Variants in MACROD2 observed in about 807,000 individuals in gnomAD.
MACROD2 encodes the protein mono-ADP ribosylhydrolase 2.
A neutral mutation model predicts 70.4 loss-of-function variants in MACROD2; 36 were observed. The observed-to-expected ratio is 0.51, with a 90% CI of 0.39 to 0.68. The LOEUF is 0.68. Among genes scored for constraint, MACROD2 ranks in the 30% least tolerant of loss-of-function variants. The pLI is 0.00. For missense variants in MACROD2, 496 were observed against 538.4 expected (o/e 0.92, Z 0.78); for synonymous variants, 172 against 178.8 (o/e 0.96, Z 0.30).
intron 4 of MACROD2, among the ~76,000 whole-genome samples, chr20:14,632,795 A>T (rs1178666607): frequency 6.6e-6 from 1 of 152,238 alleles, no homozygotes; most frequent in Non-Finnish European, 1.5e-5. Flanking sequence ...TCTTATGATA[A>T]TATTTTAATG....
chr20:14,313,796 A>G (rs902036351), intron 3 of MACROD2, among the ~76,000 whole-genome samples: 4 of 152,232 alleles, frequency 2.6e-5, no homozygotes, highest in African/African-American at 9.6e-5. Context: ...GTAAACATAC[A>G]TGGACAACCA....
intron 5 of MACROD2, among the ~76,000 whole-genome samples, chr20:15,197,203 T>G (rs183724180): frequency 1.1e-4 from 16 of 152,288 alleles, no homozygotes; most frequent in African/African-American, 3.6e-4. Flanking sequence ...CATGAAGGGC[T>G]TTTTGCTCAA....
chr20:14,169,177 C>CA (rs1244402230), intron 3 of MACROD2, among the ~76,000 whole-genome samples: 1 of 152,104 alleles, frequency 6.6e-6, no homozygotes, highest in Admixed American at 6.5e-5. Context: ...AAAACCTCAG[C>CA]AAAATTGGCA....
intron 5 of MACROD2, among the ~76,000 whole-genome samples, chr20:14,708,207 A>G (rs1020635495): frequency 1.3e-5 from 2 of 152,216 alleles, no homozygotes; most frequent in African/African-American, 4.8e-5. Flanking sequence ...GTTCATTACG[A>G]CATTTAATCT....
At chr20:14,472,711 A>G (rs1213523493) in intron 3 of MACROD2, among the ~76,000 whole-genome samples, 1 of 152,208 alleles carries the variant, frequency 6.6e-6, no homozygotes, top group Non-Finnish European at 1.5e-5. Flanking sequence ...TACAGAGGGA[A>G]TGACATTTGA....
chr20:15,849,835 T>C (rs1299852410), intron 8 of MACROD2, among the ~76,000 whole-genome samples: 1 of 152,092 alleles, frequency 6.6e-6, no homozygotes. Context: ...GCGCTGCATG[T>C]GTGCTGGATA....
intron 8 of MACROD2, among the ~76,000 whole-genome samples, chr20:15,606,475 ACTT>A (rs2048894848): frequency 6.6e-6 from 1 of 151,938 alleles, no homozygotes; most frequent in Non-Finnish European, 1.5e-5. Context: ...TGGGCTTGTT[ACTT>A]CTTTAACCCT....
intron 5 of MACROD2, among the ~76,000 whole-genome samples, chr20:15,053,938 A>C (rs1432218050): frequency 6.6e-6 from 1 of 152,214 alleles, no homozygotes; most frequent in Non-Finnish European, 1.5e-5. Context: ...CTTATGGATG[A>C]CTTTGAGAAG....
intron 5 of MACROD2, among the ~76,000 whole-genome samples, chr20:14,833,994 T>A (rs879331638): frequency 6.6e-6 from 1 of 152,074 alleles, no homozygotes; most frequent in African/African-American, 2.4e-5. Flanking sequence ...TTTTAAAAAA[T>A]TAAATTTTCT....
At chr20:16,041,734 C>G (rs2067310905) in intron 16 of MACROD2, among the ~76,000 whole-genome samples, 1 of 151,944 alleles carries the variant, frequency 6.6e-6, no homozygotes, top group Non-Finnish European at 1.5e-5. Context: ...CATCCATTGC[C>G]TTGGTTAAAA....
At chr20:15,196,906 G>A in intron 5 of MACROD2, 14 of 985,360 alleles carry the variant, frequency 1.4e-5, no homozygotes, top group Non-Finnish European at 1.7e-5. Context: ...GGATGCACTT[G>A]CCACATTTTG....
intron 2 of MACROD2, among the ~76,000 whole-genome samples, chr20:14,021,975 A>G (rs2258091): frequency 0.99 from 150,510 of 152,318 alleles, 74,360 homozygotes; most frequent in East Asian, 1. Context: ...TGGAAGTACA[A>G]TGGTACACCT....
chr20:14,197,233 C>G (rs1169710774), intron 3 of MACROD2, among the ~76,000 whole-genome samples: 2 of 152,128 alleles, frequency 1.3e-5, no homozygotes, highest in African/African-American at 2.4e-5. Flanking sequence ...TCTTTGCATT[C>G]TTAAGCATAA....
intron 3 of MACROD2, among the ~76,000 whole-genome samples, chr20:14,245,962 T>C (rs759655932): frequency 1.6e-4 from 24 of 152,320 alleles, no homozygotes; most frequent in Non-Finnish European, 2.6e-4. Context: ...ATTGCAAGTA[T>C]TGTTTTATCT....
chr20:16,005,182 T>G (rs2066771503), intron 15 of MACROD2, among the ~76,000 whole-genome samples: 1 of 151,880 alleles, frequency 6.6e-6, no homozygotes, highest in East Asian at 1.9e-4. Context: ...AGAGCAAAAA[T>G]AGGATCGGGG....
At chr20:15,616,794 T>C (rs1198922507) in intron 8 of MACROD2, among the ~76,000 whole-genome samples, 1 of 152,256 alleles carries the variant, frequency 6.6e-6, no homozygotes, top group African/African-American at 2.4e-5. Context: ...GCTTTGTCAC[T>C]GAAAATCCTG....
chr20:15,411,091 AG>A (rs1033364649), intron 6 of MACROD2, among the ~76,000 whole-genome samples: 2 of 150,662 alleles, frequency 1.3e-5, no homozygotes, highest in Non-Finnish European at 3.0e-5. Flanking sequence ...TCATCTTTGG[AG>A]GGTGAGTACC....
At chr20:14,771,316 C>G (rs1231336110) in intron 5 of MACROD2, among the ~76,000 whole-genome samples, 2 of 151,836 alleles carry the variant, frequency 1.3e-5, no homozygotes, top group African/African-American at 4.8e-5. Flanking sequence ...TTTCTATTGG[C>G]TTTGCTTCTA....
intron 7 of MACROD2, among the ~76,000 whole-genome samples, chr20:15,449,334 G>A (rs1263356959): frequency 1.3e-5 from 2 of 152,078 alleles, no homozygotes; most frequent in Non-Finnish European, 2.9e-5. Flanking sequence ...GCATCTGAAC[G>A]CTTATGTAGC....
Sources: allele counts gnomAD v4.1 joint callset (sites outside exome capture counted in the v4.1 genomes callset), GRCh38; gene constraint gnomAD v4.1.1; transcripts MANE v1.5; gene names NCBI Gene and HGNC (gene_info 2026-07-23, HGNC 2026-07-21).